NAV3: variants seen among roughly 807,000 people sequenced by gnomAD.
NAV3 encodes neuron navigator 3.
NAV3 carries 87 observed loss-of-function variants against 244.7 expected under a neutral mutation model. The observed-to-expected ratio is 0.36, with a 90% CI of 0.30 to 0.42. The LOEUF (loss-of-function observed/expected upper bound fraction) is 0.42, where lower values mean the gene tolerates loss of function less well. Ranked by LOEUF, NAV3 falls within the 20% of genes least tolerant of loss-of-function variation. NAV3 has a pLI of 1.00. For synonymous variants in NAV3, 1,126 were observed against 1,042.2 expected (o/e 1.08, Z -1.55); for missense variants, 2,663 against 2,893.3 (o/e 0.92, Z 1.83).
At chr12:77,986,469 C>T (rs2731415) in intron 5 of NAV3, among the ~76,000 whole-genome samples, 99,280 of 152,124 alleles carry the variant, frequency 0.65, 32,925 homozygotes, top group South Asian at 0.76. Flanking sequence ...ACTTCCTCAG[C>T]TGAGATTTTT....
intron 3 of NAV3, among the ~76,000 whole-genome samples, chr12:77,957,098 A>C (rs1891438127): frequency 6.6e-6 from 1 of 152,226 alleles, no homozygotes; most frequent in Admixed American, 6.5e-5. Context: ...CTGTATCTGT[A>C]GTGGAAATTA....
chr12:77,666,896 A>G (rs1873739790), intron 2 of NAV3, among the ~76,000 whole-genome samples: 1 of 152,170 alleles, frequency 6.6e-6, no homozygotes, highest in Non-Finnish European at 1.5e-5. Flanking sequence ...TAATTTCATA[A>G]CTAAGTCAAA....
chr12:77,588,590 A>G (rs1869753802), intron 2 of NAV3, among the ~76,000 whole-genome samples: 1 of 152,042 alleles, frequency 6.6e-6, no homozygotes, highest in South Asian at 2.1e-4. Flanking sequence ...GGTTTCAGGC[A>G]CCTTAAGTCC....
chr12:77,758,379 T>C (rs1869293128), intron 2 of NAV3, among the ~76,000 whole-genome samples: 1 of 152,168 alleles, frequency 6.6e-6, no homozygotes, highest in African/African-American at 2.4e-5. Flanking sequence ...CAATGTTAGT[T>C]GGCCCTTAAG....
intron 1 of NAV3, among the ~76,000 whole-genome samples, chr12:77,883,904 A>G (rs892862791): frequency 6.6e-6 from 1 of 152,112 alleles, no homozygotes; most frequent in Non-Finnish European, 1.5e-5. Context: ...TATTTTCCTG[A>G]CATTATTTTA....
rs1276687350 is a variant in NAV3, at chr12:77,691,572, T to C, written c.72+119306T>C. On this transcript the variant is annotated intron_variant, in intron 2 of 8. Coordinates refer to the NAV3 transcript ENST00000550042. Reference sequence around the variant, plus strand: ...AAAGAATGATATGAACTTCATAGTATAGACAGATTAAAAAATACTTGATAT... The same window carrying C: ...AAAGAATGATATGAACTTCATAGTACAGACAGATTAAAAAATACTTGATAT... Among the ~76,000 whole-genome samples, 3 of 151,360 alleles carry C rather than the reference T, an allele frequency of 2.0e-5. No homozygotes were observed. In the East Asian group the frequency reaches 5.8e-4, roughly 29 times the overall value.
chr12:77,903,141 T>C (rs1454009081), intron 1 of NAV3, among the ~76,000 whole-genome samples: 2 of 152,132 alleles, frequency 1.3e-5, no homozygotes, highest in Non-Finnish European at 2.9e-5. Flanking sequence ...TGGAAAAAAC[T>C]ACTTTAAAGT....
chr12:77,794,418 C>T (rs926820408), intron 2 of NAV3, among the ~76,000 whole-genome samples: 3 of 152,172 alleles, frequency 2.0e-5, no homozygotes, highest in Non-Finnish European at 4.4e-5. Context: ...TCCCTACACC[C>T]TTACCAGTCT....
chr12:77,826,505 A>C (rs1862637999), upstream of NAV3, among the ~76,000 whole-genome samples: 2 of 152,078 alleles, frequency 1.3e-5, no homozygotes, highest in African/African-American at 2.4e-5. Context: ...CCCCCCAAAA[A>C]ATTATAGAAC....
chr12:77,630,330 TC>T (rs1317693615), intron 2 of NAV3, among the ~76,000 whole-genome samples: 1 of 152,154 alleles, frequency 6.6e-6, no homozygotes, highest in Non-Finnish European at 1.5e-5. Flanking sequence ...TATGAACTAT[TC>T]CTATAGATTA....
At chr12:77,634,756 T>C (rs1429774728) in intron 2 of NAV3, among the ~76,000 whole-genome samples, 2 of 152,288 alleles carry the variant, frequency 1.3e-5, no homozygotes, top group East Asian at 1.9e-4. Flanking sequence ...TTAATTCTTA[T>C]TTTTAACAGT....
At chr12:77,613,391 C>T (rs1871007262) in intron 2 of NAV3, among the ~76,000 whole-genome samples, 1 of 152,098 alleles carries the variant, frequency 6.6e-6, no homozygotes, top group African/African-American at 2.4e-5. Flanking sequence ...GGGAGCATTG[C>T]AGTGAAGAAA....
chr12:78,066,465 T>C (rs1885034616), intron 12 of NAV3, among the ~76,000 whole-genome samples: 1 of 152,096 alleles, frequency 6.6e-6, no homozygotes, highest in South Asian at 2.1e-4. Context: ...GTCAATATGA[T>C]GGCAAAATGA....
chr12:78,212,935 TA>T lies in NAV3; in HGVS notation c.*2419del, dbSNP rs1480487411. 1 of 152,646 alleles carries T rather than the reference TA, an allele frequency of 6.6e-6. No homozygotes were observed. Among genetic ancestry groups the T allele is most frequent in the African/African-American group, 2.4e-5 (1 of 41,458 alleles). The allele number at this position is 152,646 out of a possible 1,614,324, so 9.5% of individuals were successfully genotyped here. ...TCTAGCTTGTAAACCAGCTTGCATA[TA>T]TTTTTTTGCAAATGTGCACCCTGTA... On this transcript the variant is annotated 3_prime_UTR_variant, in exon 40 of 40. Coordinates refer to ENST00000397909, the MANE Select transcript of NAV3 (RefSeq NM_001024383.2).
At chr12:78,084,640 T>C (rs1266218736) in intron 12 of NAV3, among the ~76,000 whole-genome samples, 3 of 151,736 alleles carry the variant, frequency 2.0e-5, no homozygotes, top group Admixed American at 1.3e-4. Context: ...CCTTGAAATA[T>C]TTTTTAAAGT....
At chr12:77,583,640 A>G (rs553120667) in intron 2 of NAV3, among the ~76,000 whole-genome samples, 2 of 152,302 alleles carry the variant, frequency 1.3e-5, no homozygotes, top group South Asian at 4.1e-4. Context: ...TTCCATATCC[A>G]TCATCAGGTT....
chr12:78,009,080 G>A (rs1449762144), intron 8 of NAV3, among the ~76,000 whole-genome samples: 1 of 152,114 alleles, frequency 6.6e-6, no homozygotes, highest in Non-Finnish European at 1.5e-5. Flanking sequence ...TCTATAAGTA[G>A]CAACAAGCTT....
At chr12:78,061,570 G>T (rs577961411) in intron 12 of NAV3, among the ~76,000 whole-genome samples, 1 of 152,050 alleles carries the variant, frequency 6.6e-6, no homozygotes, top group African/African-American at 2.4e-5. Context: ...GAGATAGAAG[G>T]TTTTTAAAAA....
chr12:77,641,441 CAGA>C lies in NAV3; in HGVS notation c.72+69181_72+69183del, dbSNP rs530586153. ...CAGAATACTGTGATTTTAGTTTTCTCAGAAGAAGTAAAACAATGAAAGATATAC... is the reference window on the plus strand; with the variant it reads ...CAGAATACTGTGATTTTAGTTTTCTCAGAAGTAAAACAATGAAAGATATAC... On this transcript the variant is annotated intron_variant, in intron 2 of 8. Transcript: ENST00000550042. Among the ~76,000 whole-genome samples, 290 of 151,972 alleles carry C rather than the reference CAGA, an allele frequency of 1.9e-3. 1 individual carries two copies. Among genetic ancestry groups the C allele is most frequent in the Non-Finnish European group, 3.5e-3 (236 of 67,948 alleles).
Sources: gnomAD v4.1 joint callset for allele counts (sites outside exome capture counted in the v4.1 genomes callset) on GRCh38, gnomAD v4.1.1 for gene constraint, MANE v1.5 for transcripts, NCBI Gene and HGNC (gene_info 2026-07-23, HGNC 2026-07-21) for gene names.